The following CAMSAP1 variants were observed in gnomAD, a reference collection of about 807,000 sequenced individuals.
CAMSAP1 encodes calmodulin-regulated spectrin-associated protein 1.
CAMSAP1 carries 58 observed loss-of-function variants against 143.5 expected under a neutral mutation model. The ratio of observed to expected loss-of-function variants is 0.40; its 90% CI spans 0.33 to 0.50. The LOEUF (loss-of-function observed/expected upper bound fraction) is 0.50, where lower values mean the gene tolerates loss of function less well. Among genes scored for constraint, CAMSAP1 ranks in the 20% least tolerant of loss-of-function variants. The pLI, the probability that CAMSAP1 is intolerant of heterozygous loss-of-function variation, is 0.45. For missense variants in CAMSAP1, 1,969 were observed against 2,115.7 expected (o/e 0.93, Z 1.36); for synonymous variants, 945 against 859.3 (o/e 1.10, Z -1.74).
At position 135,811,796 on chromosome 9, in the gene CAMSAP1, GACTTT is replaced by G. The variant is rs1721334321; in HGVS notation, c.4507-190_4507-186del. On this transcript the variant is annotated intron_variant, in intron 16 of 16. Coordinates refer to ENST00000389532, the MANE Select transcript of CAMSAP1 (RefSeq NM_015447.4). This position sits in a 1 kb window ranked among gnomAD's most constrained non-coding sequence, Gnocchi z 4.9. ...GTACGGGAGCATTATATGCCATTGAGACTTTACTTAAGAAGTCTAAGCAAGCAAGG... is the reference window on the plus strand; with the variant it reads ...GTACGGGAGCATTATATGCCATTGAGACTTAAGAAGTCTAAGCAAGCAAGG... Among the ~76,000 whole-genome samples the G allele has an allele frequency of 3.9e-5, 6 of 152,340 alleles. No homozygotes were observed. The South Asian group carries it at 1.2e-3, about 32-fold the overall frequency.
At chr9:135,863,467 AGGAG>A (rs1380639001) in intron 4 of CAMSAP1, among the ~76,000 whole-genome samples, 1 of 152,236 alleles carries the variant, frequency 6.6e-6, no homozygotes, top group African/African-American at 2.4e-5. Context: ...TTTTCTCCAC[AGGAG>A]GAAAATACAC....
At chr9:135,901,842 C>T (rs1838628252) in intron 1 of CAMSAP1, among the ~76,000 whole-genome samples, 1 of 152,016 alleles carries the variant, frequency 6.6e-6, no homozygotes, top group South Asian at 2.1e-4. Context: ...TGGCCCCAGA[C>T]TATTTTCCAA....
chr9:135,832,645 G>T (rs1010110553), intron 7 of CAMSAP1, among the ~76,000 whole-genome samples: 1 of 151,980 alleles, frequency 6.6e-6, no homozygotes, highest in Non-Finnish European at 1.5e-5. Context: ...AATCCTAAAG[G>T]CTCCATAAAA....
intron 3 of CAMSAP1, among the ~76,000 whole-genome samples, chr9:135,871,038 ATC>A (rs1837555742): frequency 6.6e-6 from 1 of 152,236 alleles, no homozygotes. Flanking sequence ...CCAATTATAT[ATC>A]TACATGAAGC....
chr9:135,824,839 A>G lies in CAMSAP1; in HGVS notation c.1265T>C (p.Leu422Ser). The G allele has an allele frequency of 6.2e-7, 1 of 1,604,762 alleles. No individual in the cohort carries two copies. Among genetic ancestry groups the G allele is most frequent in the Non-Finnish European group, 8.5e-7 (1 of 1,175,698 alleles). The change falls in exon 9 of 17, where the codon TTG becomes TCG. Residue 422 changes from leucine (L) to serine (S), a missense_variant. Leu to Ser is a moderately radical substitution (Grantham distance 145, BLOSUM62 -2). Around this residue, in one of 4 missense-constraint regions of CAMSAP1, gnomAD observed 1,390 missense variants for 1,420.8 expected, o/e 0.98. Transcript: ENST00000389532. The surrounding 1 kb of genome is among the most constrained non-coding windows in gnomAD (Gnocchi z 4.1). ...TTTCTGCTGTTTCTGTCTCAGTGGCAATAAAGGATGGGATGGGCTGAAGGC... is the reference window on the plus strand; with the variant it reads ...TTTCTGCTGTTTCTGTCTCAGTGGCGATAAAGGATGGGATGGGCTGAAGGC... ...TAAFSPSHPL[L>S]PLRQKQQKSI...
At chr9:135,897,430 G>A (rs568325108) in intron 1 of CAMSAP1, among the ~76,000 whole-genome samples, 3 of 152,004 alleles carry the variant, frequency 2.0e-5, no homozygotes, top group Non-Finnish European at 4.4e-5. Flanking sequence ...CTTGGATTAC[G>A]GGTGTGAACC....
rs1837869505 is a variant in CAMSAP1, at chr9:135,879,633, G to A, written c.585+2000C>T. 3.3e-5 allele frequency among the ~76,000 whole-genome samples: 5 copies of A among 151,484 alleles called. No individual in the cohort carries two copies. The South Asian group carries it at 1.0e-3, about 32-fold the overall frequency. ...GACACCTACACAAACTAATAGAAAG[G>A]AAAATGTTACAATCTTTAGGTTCAG... On this transcript the variant is annotated intron_variant, in intron 3 of 16. Transcript: ENST00000389532.
At chr9:135,834,844 C>T (rs894126955) in intron 7 of CAMSAP1, among the ~76,000 whole-genome samples, 12 of 152,164 alleles carry the variant, frequency 7.9e-5, no homozygotes, top group Non-Finnish European at 1.5e-4. Flanking sequence ...ACTATGTATA[C>T]GTGTATCAAA....
In CAMSAP1 at chr9:135,810,424, T is replaced by C. The variant is rs1041638200; in HGVS notation, c.*885A>G. 2 of 152,330 alleles carry C rather than the reference T, an allele frequency of 1.3e-5. No homozygotes were observed. The highest frequency in any genetic ancestry group is 2.9e-5 in the Non-Finnish European group (2 of 68,032). The allele number at this position is 152,330 out of a possible 1,614,324, so 9.4% of individuals were successfully genotyped here. On this transcript the variant is annotated 3_prime_UTR_variant, in exon 17 of 17. Transcript: ENST00000389532. ...CAAACATGCTCAGAATGAAAAATAT[T>C]CTACTTTACCAAAATCTGTCTTTAT...
chr9:135,902,462 A>G (rs1820335348), intron 1 of CAMSAP1, among the ~76,000 whole-genome samples: 1 of 152,178 alleles, frequency 6.6e-6, no homozygotes, highest in African/African-American at 2.4e-5. Flanking sequence ...ATTTTTACAC[A>G]GTTTTACACA....
At chr9:135,830,701 G>A (rs1835829890) in intron 7 of CAMSAP1, among the ~76,000 whole-genome samples, 1 of 152,170 alleles carries the variant, frequency 6.6e-6, no homozygotes, top group African/African-American at 2.4e-5. Context: ...TGACCTCACA[G>A]AGACATATAC....
intron 14 of CAMSAP1, among the ~76,000 whole-genome samples, chr9:135,817,280 G>T (rs987126760): frequency 6.6e-6 from 1 of 152,210 alleles, no homozygotes; most frequent in Admixed American, 6.5e-5. Flanking sequence ...TGAAAGTGCT[G>T]CCTTGGTAAC....
At position 135,821,947 on chromosome 9, in the gene CAMSAP1, C is replaced by T; in HGVS notation, c.2714G>A (p.Arg905Lys). 1 of 1,612,632 alleles carries T rather than the reference C, an allele frequency of 6.2e-7. No individual in the cohort carries two copies. ...AGCCTTGCCGAGCTTCAGGCGCTGC[C>T]TTGCCGACAGCGCCTCCATCTTCTT... ...QKKKMEALSARQRLKLGKAAF... is the reference protein window; with the variant it reads ...QKKKMEALSAKQRLKLGKAAF... The change falls in exon 11 of 17, where the codon AGG becomes AAG. Residue 905 changes from arginine to lysine, a missense_variant. By Grantham distance (26) the Arg-to-Lys change is conservative. Transcript: ENST00000389532. The surrounding 1 kb of genome is among the most constrained non-coding windows in gnomAD (Gnocchi z 4.6).
At chr9:135,878,324 G>A (rs1351680058) in intron 3 of CAMSAP1, among the ~76,000 whole-genome samples, 1 of 152,166 alleles carries the variant, frequency 6.6e-6, no homozygotes, top group Non-Finnish European at 1.5e-5. Context: ...CAGAGGAGGA[G>A]AGACTCAGAA....
At position 135,821,570 on chromosome 9, in the gene CAMSAP1, T is replaced by C. The variant is rs778527354; in HGVS notation, c.3091A>G (p.Ile1031Val). 4.3e-6 allele frequency: 7 copies of C among 1,614,004 alleles called. No homozygotes were observed. The highest frequency in any genetic ancestry group is 5.9e-6 in the Non-Finnish European group (7 of 1,179,898). ...AGGATGGCCTGCTGCAGCGTACTGATGGTTTCGTTAAGCTTCTCGATGGAA... is the reference window on the plus strand; with the variant it reads ...AGGATGGCCTGCTGCAGCGTACTGACGGTTTCGTTAAGCTTCTCGATGGAA... ...DLSIEKLNET[I>V]STLQQAILKI... The change falls in exon 11 of 17, where the codon ATC becomes GTC. Residue 1031 changes from isoleucine (I) to valine (V), a missense_variant. By Grantham distance (29) the Ile-to-Val change is conservative. Around this residue, in one of 4 missense-constraint regions of CAMSAP1, gnomAD observed 1,390 missense variants for 1,420.8 expected, o/e 0.98. Coordinates refer to ENST00000389532, the MANE Select transcript of CAMSAP1 (RefSeq NM_015447.4). This position sits in a 1 kb window ranked among gnomAD's most constrained non-coding sequence, Gnocchi z 4.6.
chr9:135,839,608 T>C (rs1256884720), intron 7 of CAMSAP1, among the ~76,000 whole-genome samples: 2 of 152,088 alleles, frequency 1.3e-5, no homozygotes, highest in Non-Finnish European at 2.9e-5. Flanking sequence ...CAGGGTACTG[T>C]ACGCCTGCTG....
At chr9:135,904,513 T>C (rs897664790) in intron 1 of CAMSAP1, among the ~76,000 whole-genome samples, 1 of 151,800 alleles carries the variant, frequency 6.6e-6, no homozygotes, top group Non-Finnish European at 1.5e-5. Context: ...AGACTCCATC[T>C]CAAACACCTG....
At chr9:135,848,407 C>T (rs1836652894) in intron 7 of CAMSAP1, among the ~76,000 whole-genome samples, 1 of 151,992 alleles carries the variant, frequency 6.6e-6, no homozygotes, top group African/African-American at 2.4e-5. Flanking sequence ...AATTATAAAG[C>T]AAAATCGAGG....
intron 1 of CAMSAP1, among the ~76,000 whole-genome samples, chr9:135,902,860 G>A (rs1193141712): frequency 6.6e-6 from 1 of 152,236 alleles, no homozygotes; most frequent in South Asian, 2.1e-4. Context: ...TCAGTAAGGA[G>A]AGGGGATGAA....
Sources: allele counts gnomAD v4.1 joint callset (sites outside exome capture counted in the v4.1 genomes callset), GRCh38; gene constraint gnomAD v4.1.1; regional missense constraint gnomAD v4.1.1; non-coding constraint Gnocchi (gnomAD v3.1); transcripts MANE v1.5; gene names NCBI Gene and HGNC (gene_info 2026-07-23, HGNC 2026-07-21).